BMP5: variants seen among roughly 807,000 people sequenced by gnomAD.
BMP5 encodes bone morphogenetic protein 5.
A neutral mutation model predicts 46.6 loss-of-function variants in BMP5; 23 were observed. The observed-to-expected ratio is 0.49, with a 90% confidence interval of 0.35 to 0.70. The LOEUF is 0.70. Among genes scored for constraint, BMP5 ranks in the 30% least tolerant of loss-of-function variants. The probability of loss-of-function intolerance (pLI) is 0.00; values close to 1 mark genes in which losing one functional copy is unlikely to be tolerated. For missense variants in BMP5, 545 were observed against 565.6 expected (o/e 0.96, Z 0.37); for synonymous variants, 204 against 191.9 (o/e 1.06, Z -0.52).
At chr6:55,848,270 T>C (rs568409866) in intron 1 of BMP5, among the ~76,000 whole-genome samples, 1 of 152,118 alleles carries the variant, frequency 6.6e-6, no homozygotes, top group Admixed American at 6.6e-5. Context: ...GACCAACAGC[T>C]GTCACTTTGG....
chr6:55,806,012 G>A (rs1316934396), intron 2 of BMP5, among the ~76,000 whole-genome samples: 4 of 152,044 alleles, frequency 2.6e-5, no homozygotes, highest in African/African-American at 9.7e-5. Flanking sequence ...CTCCCCTTCT[G>A]TAGGTTGTCT....
At position 55,875,304 on chromosome 6, in the gene BMP5, G is replaced by T; in HGVS notation, c.-439C>A. On this transcript the variant is annotated 5_prime_UTR_variant, in exon 1 of 7. Coordinates refer to ENST00000370830, the MANE Select transcript of BMP5 (RefSeq NM_021073.4). ...CTTTTGAGTTCTTCTCAACCCTTGAGCTCTTTCCAAAACAAATCCTGATTT... is the reference window on the plus strand; with the variant it reads ...CTTTTGAGTTCTTCTCAACCCTTGATCTCTTTCCAAAACAAATCCTGATTT... The T allele has an allele frequency of 5.0e-6, 1 of 201,534 alleles. No homozygotes were observed. Among genetic ancestry groups the T allele is most frequent in the South Asian group, 8.2e-5 (1 of 12,128 alleles). The allele number at this position is 201,534 out of a possible 1,614,324, so 12.5% of individuals were successfully genotyped here.
chr6:55,807,408 C>T (rs572182403), intron 2 of BMP5, among the ~76,000 whole-genome samples: 19 of 152,278 alleles, frequency 1.2e-4, no homozygotes, highest in African/African-American at 4.3e-4. Flanking sequence ...TCCCAGGGAT[C>T]AAGTCAACTT....
At chr6:55,847,090 G>GCACA (rs1777115471) in intron 1 of BMP5, among the ~76,000 whole-genome samples, 1 of 151,796 alleles carries the variant, frequency 6.6e-6, no homozygotes, top group Admixed American at 6.6e-5. Context: ...CATAGACTAG[G>GCACA]CACTGCAGTT....
intron 1 of BMP5, among the ~76,000 whole-genome samples, chr6:55,852,604 G>A (rs1562071063): frequency 6.6e-6 from 1 of 151,730 alleles, no homozygotes; most frequent in Non-Finnish European, 1.5e-5. Context: ...TTTATTTTTA[G>A]TCTTATTTCT....
intron 2 of BMP5, among the ~76,000 whole-genome samples, chr6:55,813,786 CAA>C (rs148453962): frequency 2.1e-4 from 26 of 123,686 alleles, no homozygotes; most frequent in Non-Finnish European, 2.9e-4. Context: ...GACACCGTCT[CAA>C]AAAAAAAAAA....
chr6:55,813,064 T>G (rs977147776), intron 2 of BMP5, among the ~76,000 whole-genome samples: 3 of 152,106 alleles, frequency 2.0e-5, no homozygotes, highest in Non-Finnish European at 2.9e-5. Flanking sequence ...TATCTTCATT[T>G]CCTATGAGAA....
chr6:55,803,787 C>T (rs991044335), intron 2 of BMP5, among the ~76,000 whole-genome samples: 2 of 152,178 alleles, frequency 1.3e-5, no homozygotes, highest in African/African-American at 4.8e-5. Flanking sequence ...CTGCAGGCCA[C>T]GCACATCATT....
intron 2 of BMP5, among the ~76,000 whole-genome samples, chr6:55,795,778 C>G (rs946128589): frequency 1.3e-5 from 2 of 152,036 alleles, no homozygotes; most frequent in African/African-American, 4.8e-5. Flanking sequence ...ATTGTCTTTT[C>G]ACAATTACAG....
At chr6:55,769,851 G>A (rs1178634249) in intron 4 of BMP5, among the ~76,000 whole-genome samples, 1 of 151,842 alleles carries the variant, frequency 6.6e-6, no homozygotes, top group East Asian at 1.9e-4. Context: ...AGAGCTCTTG[G>A]GTGATCAAGT....
intron 3 of BMP5, among the ~76,000 whole-genome samples, chr6:55,777,824 T>C (rs1775213204): frequency 6.6e-6 from 1 of 152,026 alleles, no homozygotes; most frequent in Admixed American, 6.6e-5. Context: ...GAAAATCTAA[T>C]ACATCCCTTT....
At chr6:55,836,234 A>G (rs909424804) in intron 1 of BMP5, among the ~76,000 whole-genome samples, 2 of 152,204 alleles carry the variant, frequency 1.3e-5, no homozygotes, top group African/African-American at 2.4e-5. Flanking sequence ...TTTATTAAGT[A>G]CTATATAAAA....
intron 3 of BMP5, among the ~76,000 whole-genome samples, chr6:55,786,377 A>G (rs1023263072): frequency 6.6e-6 from 1 of 151,772 alleles, no homozygotes; most frequent in African/African-American, 2.4e-5. Context: ...TATAATTCCT[A>G]GACAAGAAGT....
Position 55,760,546 on chromosome 6 carries a change from A to C in BMP5, c.1028-13T>G, listed in dbSNP as rs752060240. The C allele has an allele frequency of 6.2e-7, 1 of 1,610,786 alleles. No individual in the cohort carries two copies. The highest frequency in any genetic ancestry group is 8.5e-7 in the Non-Finnish European group (1 of 1,177,374). ...CTTGTGTTATAATCTGAAGATAAAA[A>C]CCACATTTTGAATAAATGGTTGCTT... is the stretch of plus-strand genomic sequence containing the variant. On this transcript the variant is annotated splice_polypyrimidine_tract_variant and intron_variant, in intron 4 of 6. Coordinates refer to ENST00000370830, the MANE Select transcript of BMP5 (RefSeq NM_021073.4).
chr6:55,815,164 C>T (rs565953849), intron 2 of BMP5, among the ~76,000 whole-genome samples: 4 of 141,130 alleles, frequency 2.8e-5, no homozygotes, highest in African/African-American at 2.7e-5. Flanking sequence ...AATTGAATTA[C>T]GAAGTATGAG....
chr6:55,846,545 A>G (rs1777101645), intron 1 of BMP5, among the ~76,000 whole-genome samples: 1 of 151,872 alleles, frequency 6.6e-6, no homozygotes, highest in Admixed American at 6.6e-5. Context: ...TTCTCTTGTC[A>G]TGTACTTCTT....
intron 1 of BMP5, among the ~76,000 whole-genome samples, chr6:55,845,776 T>C (rs1448986068): frequency 6.6e-6 from 1 of 151,968 alleles, no homozygotes; most frequent in African/African-American, 2.4e-5. Flanking sequence ...GTTTATCAAA[T>C]TCCTTCATGT....
chr6:55,768,755 G>T (rs536579164), intron 4 of BMP5, among the ~76,000 whole-genome samples: 4 of 151,942 alleles, frequency 2.6e-5, no homozygotes, highest in African/African-American at 9.6e-5. Flanking sequence ...CTTGCCATTT[G>T]CCCTGTTAAT....
chr6:55,832,861 A>G (rs942972314), intron 1 of BMP5, among the ~76,000 whole-genome samples: 2 of 152,102 alleles, frequency 1.3e-5, no homozygotes, highest in African/African-American at 4.8e-5. Flanking sequence ...CTATAATCCC[A>G]GCACTTTGGG....
Sources: allele counts gnomAD v4.1 joint callset (sites outside exome capture counted in the v4.1 genomes callset), GRCh38; gene constraint gnomAD v4.1.1; transcripts MANE v1.5; gene names NCBI Gene and HGNC (gene_info 2026-07-23, HGNC 2026-07-21).